GABRA2: variants seen among roughly 807,000 people sequenced by gnomAD.
GABRA2 encodes gamma-aminobutyric acid receptor subunit alpha-2.
A neutral mutation model predicts 48.7 loss-of-function variants in GABRA2; 16 were observed. The ratio of observed to expected loss-of-function variants is 0.33; its 90% CI spans 0.22 to 0.50. The LOEUF is 0.50. Among genes scored for constraint, GABRA2 ranks in the 20% least tolerant of loss-of-function variants. GABRA2 has a pLI of 0.98. For synonymous variants in GABRA2, 185 were observed against 184.5 expected, an observed-to-expected ratio of 1.00 and a Z score of -0.02; for missense variants, 275 against 535.6, an observed-to-expected ratio of 0.51 and a Z score of 4.80.
At chr4:46,289,554 A>G (rs1314705826) in intron 8 of GABRA2, among the ~76,000 whole-genome samples, 1 of 152,152 alleles carries the variant, frequency 6.6e-6, no homozygotes, top group Non-Finnish European at 1.5e-5. Context: ...TTCCAAGGGT[A>G]GAGGGTGGGA....
At chr4:46,314,701 G>A (rs1478209151) in intron 4 of GABRA2, among the ~76,000 whole-genome samples, 1 of 151,996 alleles carries the variant, frequency 6.6e-6, no homozygotes, top group East Asian at 1.9e-4. Flanking sequence ...AGTACCCAAT[G>A]TTTAGCTCCC....
intron 9 of GABRA2, among the ~76,000 whole-genome samples, chr4:46,252,997 A>T (rs1016969436): frequency 2.0e-5 from 3 of 151,448 alleles, no homozygotes; most frequent in Non-Finnish European, 4.4e-5. Context: ...CCAGACAGTG[A>T]TTACTGGTGT....
At chr4:46,351,974 G>T (rs1434704498) in intron 3 of GABRA2, among the ~76,000 whole-genome samples, 2 of 118,296 alleles carry the variant, frequency 1.7e-5, no homozygotes, top group South Asian at 3.5e-4. Context: ...CAAAAACTGG[G>T]TTTTTTTTTT....
chr4:46,341,874 A>C (rs1197801484), intron 3 of GABRA2, among the ~76,000 whole-genome samples: 1 of 152,004 alleles, frequency 6.6e-6, no homozygotes, highest in Non-Finnish European at 1.5e-5. Context: ...ATCTCTGTTA[A>C]AATTACTGTG....
At chr4:46,270,994 TAA>T (rs397993238) in intron 8 of GABRA2, among the ~76,000 whole-genome samples, 22 of 144,830 alleles carry the variant, frequency 1.5e-4, no homozygotes, top group African/African-American at 5.1e-4. Context: ...CCCTACTATA[TAA>T]AAAAAAAAAA....
At chr4:46,272,574 G>A (rs1719548780) in intron 8 of GABRA2, among the ~76,000 whole-genome samples, 2 of 151,944 alleles carry the variant, frequency 1.3e-5, no homozygotes, top group African/African-American at 2.4e-5. Flanking sequence ...ACTGGACAAG[G>A]TTTAAGATGA....
At chr4:46,364,259 A>C (rs925192911) in intron 3 of GABRA2, 1 of 152,240 alleles carries the variant, frequency 6.6e-6, no homozygotes, top group Non-Finnish European at 1.5e-5. Context: ...CCTATCTTAC[A>C]GTACTTTGAA....
At chr4:46,332,118 T>C (rs1267326175) in intron 4 of GABRA2, among the ~76,000 whole-genome samples, 2 of 152,138 alleles carry the variant, frequency 1.3e-5, no homozygotes, top group African/African-American at 4.8e-5. Flanking sequence ...ATATACCTAC[T>C]ATGTGTGCAG....
rs1026514741 is a variant in GABRA2 at position 46,284,083 on chromosome 4, A to T, written c.856+19377T>A. 5.9e-5 allele frequency among the ~76,000 whole-genome samples: 9 copies of T among 151,684 alleles called. No homozygotes were observed. The East Asian group carries it at 1.5e-3, about 26-fold the overall frequency. ...CTGATTTGAGTTCTTAATAGAAAAA[A>T]AAAAAAAAAAAACTCTGTTATATAC... On this transcript the variant is annotated intron_variant, in intron 8 of 9. Coordinates refer to ENST00000381620, the MANE Select transcript of GABRA2 (RefSeq NM_000807.4).
rs547890123 is a variant in GABRA2 at position 46,327,685 on chromosome 4, A to C, written c.255+4930T>G. Among the ~76,000 whole-genome samples, 4 of 152,174 alleles carry C rather than the reference A, an allele frequency of 2.6e-5. No individual in the cohort carries two copies. The South Asian group carries it at 6.2e-4, about 24-fold the overall frequency. On this transcript the variant is annotated intron_variant, in intron 4 of 9. Transcript: ENST00000381620. ...TTGATATTAACTACTGAACTAATTA[A>C]TATCCCAGTAGCTTCTGGAGTTTCT...
intron 8 of GABRA2, chr4:46,303,031 G>A (rs1360050833): frequency 6.2e-6 from 1 of 162,008 alleles, no homozygotes; most frequent in African/African-American, 2.4e-5. Context: ...CTATAAATCT[G>A]TCTAAATGCC....
At chr4:46,275,092 T>G (rs1035601041) in intron 8 of GABRA2, among the ~76,000 whole-genome samples, 3 of 152,082 alleles carry the variant, frequency 2.0e-5, no homozygotes, top group Non-Finnish European at 4.4e-5. Context: ...TTGAACTGGA[T>G]TCCCCTTCAT....
chr4:46,289,216 G>T (rs1394145324), intron 8 of GABRA2, among the ~76,000 whole-genome samples: 5 of 152,122 alleles, frequency 3.3e-5, no homozygotes, highest in African/African-American at 1.2e-4. Flanking sequence ...TATACCCAAA[G>T]GAATATAAAT....
chr4:46,307,288 T>C (rs1726861180), intron 6 of GABRA2, among the ~76,000 whole-genome samples: 1 of 151,904 alleles, frequency 6.6e-6, no homozygotes, highest in Admixed American at 6.6e-5. Context: ...GTAGATCAAG[T>C]AGCTTGTTTT....
intron 3 of GABRA2, chr4:46,368,364 A>C (rs1379176099): frequency 6.6e-6 from 1 of 152,186 alleles, no homozygotes; most frequent in Non-Finnish European, 1.5e-5. Context: ...GACCAATCTT[A>C]CCATACACAT....
chr4:46,250,738 A>G, intron 9 of GABRA2, 134 bp from the exon 10 acceptor site: 1 of 637,028 alleles, frequency 1.6e-6, no homozygotes, highest in Non-Finnish European at 2.6e-6. Flanking sequence ...AGAAATTAGG[A>G]AAATAAATAA....
At chr4:46,359,924 A>AG (rs5858023) in intron 3 of GABRA2, among the ~76,000 whole-genome samples, 2 of 39,236 alleles carry the variant, frequency 5.1e-5, no homozygotes, top group African/African-American at 1.6e-4. Flanking sequence ...CTCAAAAAAC[A>AG]AAAAAAAAAA....
intron 3 of GABRA2, among the ~76,000 whole-genome samples, chr4:46,360,995 A>G (rs578245313): frequency 3.9e-5 from 6 of 152,354 alleles, no homozygotes; most frequent in East Asian, 3.9e-4. Context: ...AGCAAATTCA[A>G]GATGTGACTT....
chr4:46,336,035 T>A lies in GABRA2; in HGVS notation c.188-3353A>T, dbSNP rs80295420. Among the ~76,000 whole-genome samples, 637 of 152,250 alleles carry A rather than the reference T, an allele frequency of 4.2e-3. 12 individuals are homozygous for A. In the East Asian group the frequency reaches 0.042, roughly 10 times the overall value. ...TAATATATTCTTCTTGCTTTTTGTC[T>A]TGTGTTTGGTCTGTCTCCCCATCCA... On this transcript the variant is annotated intron_variant, in intron 3 of 9. Coordinates refer to ENST00000381620, the MANE Select transcript of GABRA2 (RefSeq NM_000807.4).
Sources: gnomAD v4.1 joint callset for allele counts (sites outside exome capture counted in the v4.1 genomes callset) on GRCh38, gnomAD v4.1.1 for gene constraint, MANE v1.5 for transcripts, NCBI Gene and HGNC (gene_info 2026-07-23, HGNC 2026-07-21) for gene names.